ZBTB46: variants seen among roughly 807,000 people sequenced by gnomAD.
The protein encoded by ZBTB46 is zinc finger and BTB domain-containing protein 46.
A neutral mutation model predicts 44.1 loss-of-function variants in ZBTB46; 8 were observed. The observed-to-expected ratio is 0.18, with a 90% confidence interval of 0.11 to 0.33. ZBTB46 has a LOEUF of 0.33. ZBTB46 is among the 10% of genes least tolerant of loss of function. The pLI is 1.00. For missense variants in ZBTB46, 651 were observed against 847.7 expected (o/e 0.77, Z 2.88); for synonymous variants, 409 against 382.3 (o/e 1.07, Z -0.81).
chr20:63,794,108 C>G (rs895117221), intron 1 of ZBTB46, among the ~76,000 whole-genome samples: 8 of 151,876 alleles, frequency 5.3e-5, no homozygotes, highest in Non-Finnish European at 2.9e-5. Context: ...ATAGCGTGAA[C>G]CCGGGAGGCG....
chr20:63,771,700 C>T (rs944169287), intron 3 of ZBTB46, among the ~76,000 whole-genome samples: 7 of 152,210 alleles, frequency 4.6e-5, no homozygotes, highest in Non-Finnish European at 8.8e-5. Context: ...GGTTTACTCC[C>T]GCGCGGATTC....
chr20:63,768,060 T>C, intron 3 of ZBTB46: 1 of 985,462 alleles, frequency 1.0e-6, no homozygotes, highest in Non-Finnish European at 1.2e-6. Flanking sequence ...GACACTCTGC[T>C]GCCCTCACTC....
At chr20:63,813,898 C>T (rs1424743195) in intron 1 of ZBTB46, among the ~76,000 whole-genome samples, 1 of 152,032 alleles carries the variant, frequency 6.6e-6, no homozygotes, top group Non-Finnish European at 1.5e-5. Flanking sequence ...AACGAAGCAC[C>T]GAGGGTAAAA....
intron 1 of ZBTB46, among the ~76,000 whole-genome samples, chr20:63,818,912 A>C (rs914661716): frequency 1.1e-4 from 16 of 147,644 alleles, no homozygotes; most frequent in African/African-American, 3.5e-4. Context: ...CAGTGGCTCA[A>C]GCCTGTAATC....
At chr20:63,809,224 A>G (rs2092703585) in intron 1 of ZBTB46, among the ~76,000 whole-genome samples, 2 of 151,712 alleles carry the variant, frequency 1.3e-5, no homozygotes, top group Non-Finnish European at 2.9e-5. Context: ...GGGCAAGGTC[A>G]GCAGCCCTGG....
chr20:63,795,600 G>A (rs544770789), intron 1 of ZBTB46, among the ~76,000 whole-genome samples: 2 of 152,338 alleles, frequency 1.3e-5, no homozygotes, highest in South Asian at 2.1e-4. Context: ...ACAGCTGGGA[G>A]GGATTCAGCG....
At chr20:63,801,496 C>T (rs1209198042) in intron 1 of ZBTB46, among the ~76,000 whole-genome samples, 2 of 152,168 alleles carry the variant, frequency 1.3e-5, no homozygotes, top group Admixed American at 6.5e-5. Context: ...GCAGGCTGCC[C>T]CAACCAGCAG....
chr20:63,803,605 C>G lies in ZBTB46; in HGVS notation c.-33-12815G>C. The G allele has an allele frequency of 1.2e-6, 1 of 809,058 alleles. No individual in the cohort carries two copies. The highest frequency in any genetic ancestry group is 1.5e-6 in the Non-Finnish European group (1 of 668,922). 50.1% of individuals were successfully genotyped at this position (809,058 alleles called of 1,614,324 possible). ...GGTCTCTGTCGGAGGCCCTGCCAGC[C>G]CCGCCCCTCCCTGCCCACTGGCCCC... On this transcript the variant is annotated intron_variant, in intron 1 of 4. Coordinates refer to ENST00000245663, the MANE Select transcript of ZBTB46 (RefSeq NM_001369741.1). The surrounding 1 kb of genome is among the most constrained non-coding windows in gnomAD (Gnocchi z 4.0).
intron 4 of ZBTB46, among the ~76,000 whole-genome samples, chr20:63,747,980 C>T (rs939609816): frequency 1.3e-5 from 2 of 152,250 alleles, no homozygotes; most frequent in African/African-American, 2.4e-5. Flanking sequence ...CCCAGCCGTA[C>T]AGGGACGGGC....
At chr20:63,833,739 C>T (rs2092862213), upstream of ZBTB46, among the ~76,000 whole-genome samples, 1 of 152,200 alleles carries the variant, frequency 6.6e-6, no homozygotes, top group South Asian at 2.1e-4. Context: ...GACTTTTCTG[C>T]TCCAAGAACC....
chr20:63,746,404 A>G lies in ZBTB46; in HGVS notation c.*526T>C, dbSNP rs1369284530. 6.5e-6 allele frequency: 1 copy of G among 153,606 alleles called. No individual in the cohort carries two copies. The highest frequency in any genetic ancestry group is 1.5e-5 in the Non-Finnish European group (1 of 68,876). 9.5% of individuals were successfully genotyped at this position (153,606 alleles called of 1,614,324 possible). A position where few individuals can be genotyped will look rare whatever the true frequency, so the allele number is the denominator to read the frequency against. On this transcript the variant is annotated 3_prime_UTR_variant, in exon 5 of 5. Coordinates refer to ENST00000245663, the MANE Select transcript of ZBTB46 (RefSeq NM_001369741.1). ...AGGGCTCTCTGTGCACCTGGATTCT[A>G]CAGGCTGCCATGGGCCACGGCTGCA...
chr20:63,810,756 AAAAT>A (rs1463814206), intron 1 of ZBTB46, among the ~76,000 whole-genome samples: 12 of 152,326 alleles, frequency 7.9e-5, no homozygotes, highest in South Asian at 4.1e-4. Flanking sequence ...AAAAAACAAA[AAAAT>A]AAATAAAAAT....
chr20:63,782,495 A>G (rs1426131548), intron 2 of ZBTB46, among the ~76,000 whole-genome samples: 1 of 152,178 alleles, frequency 6.6e-6, no homozygotes, highest in East Asian at 1.9e-4. Context: ...GAGAACCGTG[A>G]GACAAAACGT....
chr20:63,830,633 G>A (rs1331302555), intron 1 of ZBTB46, among the ~76,000 whole-genome samples: 1 of 149,676 alleles, frequency 6.7e-6, no homozygotes, highest in African/African-American at 2.4e-5. Context: ...CGGGGGGCGC[G>A]GGCGGGGGGC....
chr20:63,771,566 G>A (rs368322576), intron 3 of ZBTB46, among the ~76,000 whole-genome samples: 23 of 152,302 alleles, frequency 1.5e-4, no homozygotes, highest in African/African-American at 4.1e-4. Flanking sequence ...GGGCTACGCC[G>A]TGAACTCTGA....
rs377218041 is a variant in ZBTB46 at position 63,752,650 on chromosome 20, C to A, written c.1398+36G>T. 2.0e-6 allele frequency: 3 copies of A among 1,480,654 alleles called. No homozygotes were observed. The highest frequency in any genetic ancestry group is 2.7e-6 in the Non-Finnish European group (3 of 1,114,260). The allele number at this position is 1,480,654 out of a possible 1,614,324, so 91.7% of individuals were successfully genotyped here. On this transcript the variant is annotated intron_variant, in intron 4 of 4. Coordinates refer to ENST00000245663, the MANE Select transcript of ZBTB46 (RefSeq NM_001369741.1). The surrounding 1 kb of genome is among the most constrained non-coding windows in gnomAD (Gnocchi z 5.6). ...CGCCTGCCCGGACATCGTGGCCACG[C>A]GCAGCGCGCGGCACGCGGACCCTCC...
Position 63,790,692 on chromosome 20 carries a change from G to A in ZBTB46, c.66C>T (p.Asn22=), listed in dbSNP as rs371695871. 3.3e-5 allele frequency: 53 copies of A among 1,611,632 alleles called. 1 individual carries two copies. In the African/African-American group the frequency reaches 3.5e-4, roughly 11 times the overall value. Residue 22 remains asparagine (N), a synonymous_variant, in exon 2 of 5, where the codon AAC becomes AAT. Transcript: ENST00000245663. ...ACAGGACGCCGTGCTGCCTCTGCTC[G>A]TTGAGCTCCCGCAGCAGGTGCCGGT... The part of the protein sequence containing the change: ...SHYRHLLREL[N]EQRQHGVLCD...
At chr20:63,796,339 C>T (rs2145956981) in intron 1 of ZBTB46, among the ~76,000 whole-genome samples, 1 of 152,326 alleles carries the variant, frequency 6.6e-6, no homozygotes, top group African/African-American at 2.4e-5. Flanking sequence ...GCGCCTGGCA[C>T]GCGGCGTCCC....
At chr20:63,765,027 TTGTG>T (rs1484289298) in intron 3 of ZBTB46, among the ~76,000 whole-genome samples, 1 of 94,666 alleles carries the variant, frequency 1.1e-5, no homozygotes, top group African/African-American at 4.3e-5. Context: ...CAAGTGATTC[TTGTG>T]TGTGTGTGCG....
Sources: gnomAD v4.1 joint callset for allele counts (sites outside exome capture counted in the v4.1 genomes callset) on GRCh38, gnomAD v4.1.1 for gene constraint, Gnocchi (gnomAD v3.1) non-coding constraint, MANE v1.5 for transcripts, NCBI Gene and HGNC (gene_info 2026-07-23, HGNC 2026-07-21) for gene names.